Variants in DMXL1 observed in about 807,000 individuals in gnomAD.
DMXL1 encodes the protein dmX-like protein 1.
DMXL1 carries 99 observed loss-of-function variants against 319.2 expected under a neutral mutation model. The ratio of observed to expected loss-of-function variants is 0.31; its 90% CI spans 0.26 to 0.37. The LOEUF (loss-of-function observed/expected upper bound fraction) is 0.37, where lower values mean the gene tolerates loss of function less well. DMXL1 is among the 10% of genes least tolerant of loss of function. The probability of loss-of-function intolerance (pLI) is 1.00; values close to 1 mark genes in which losing one functional copy is unlikely to be tolerated. For synonymous variants in DMXL1, 1,385 were observed against 1,235.2 expected (o/e 1.12, Z -2.54); for missense variants, 3,745 against 3,595.6 (o/e 1.04, Z -1.06).
At chr5:119,144,151 A>C (rs1053627669) in intron 14 of DMXL1, among the ~76,000 whole-genome samples, 2 of 151,836 alleles carry the variant, frequency 1.3e-5, no homozygotes, top group African/African-American at 4.8e-5. Context: ...ACAGCCAAAT[A>C]AATTTTCAAA....
intron 30 of DMXL1, among the ~76,000 whole-genome samples, chr5:119,195,627 A>G (rs148318420): frequency 2.6e-3 from 399 of 152,324 alleles, no homozygotes; most frequent in African/African-American, 9.2e-3. Context: ...GCAAGATGAA[A>G]GGAATTCTGG....
intron 25 of DMXL1, among the ~76,000 whole-genome samples, chr5:119,173,738 A>ATATATATGTGTGTG (rs1581154258): frequency 2.0e-5 from 1 of 50,596 alleles, no homozygotes; most frequent in Non-Finnish European, 4.8e-5. Context: ...ATATGTGTGT[A>ATATATATGTGTGTG]TATATATATG....
At chr5:119,083,834 G>A (rs1395536612) in intron 1 of DMXL1, among the ~76,000 whole-genome samples, 1 of 152,106 alleles carries the variant, frequency 6.6e-6, no homozygotes, top group Non-Finnish European at 1.5e-5. Flanking sequence ...CACCGTGCCT[G>A]ACCAGTTTTT....
Position 119,197,747 on chromosome 5 carries a change from C to T in DMXL1, c.7544-8C>T, listed in dbSNP as rs1779906132. 1 of 1,613,598 alleles carries T rather than the reference C, an allele frequency of 6.2e-7. No homozygotes were observed. Among genetic ancestry groups the T allele is most frequent in the Non-Finnish European group, 8.5e-7 (1 of 1,179,676 alleles). On this transcript the variant is annotated splice_region_variant and splice_polypyrimidine_tract_variant and intron_variant, in intron 31 of 43. Coordinates refer to ENST00000539542, the MANE Select transcript of DMXL1 (RefSeq NM_001290321.3). ...TAAGATTAATATGAGTCAATGTTCC[C>T]ATTTTAGAGCTTCCAGTTAGTTCAC...
intron 4 of DMXL1, among the ~76,000 whole-genome samples, chr5:119,108,394 T>C (rs1262136397): frequency 6.6e-6 from 1 of 152,106 alleles, no homozygotes; most frequent in Non-Finnish European, 1.5e-5. Flanking sequence ...TTTTTCTCTG[T>C]ATTTATTTGG....
intron 33 of DMXL1, among the ~76,000 whole-genome samples, chr5:119,204,303 A>C (rs890965130): frequency 6.6e-6 from 1 of 151,938 alleles, no homozygotes; most frequent in Non-Finnish European, 1.5e-5. Flanking sequence ...ATGCCTGGCT[A>C]ATTTTTTGTA....
chr5:119,235,705 A>C (rs1219414774), intron 39 of DMXL1, among the ~76,000 whole-genome samples: 2 of 152,112 alleles, frequency 1.3e-5, no homozygotes, highest in African/African-American at 4.8e-5. Context: ...GGTTCTAAAA[A>C]GGAGTGAGAA....
At chr5:119,126,870 T>A (rs977107954) in intron 9 of DMXL1, 2 of 164,274 alleles carry the variant, frequency 1.2e-5, no homozygotes, top group African/African-American at 4.8e-5. Context: ...ACTGGTGACG[T>A]TTTTCCTCTA....
intron 1 of DMXL1, among the ~76,000 whole-genome samples, chr5:119,091,786 C>T (rs1754852305): frequency 1.3e-5 from 2 of 152,134 alleles, no homozygotes; most frequent in African/African-American, 4.8e-5. Context: ...GTGCTGGAAA[C>T]CTGTGGGACA....
chr5:119,159,922 C>T (rs1340555784), intron 19 of DMXL1, among the ~76,000 whole-genome samples: 2 of 152,210 alleles, frequency 1.3e-5, no homozygotes, highest in Non-Finnish European at 2.9e-5. Flanking sequence ...CTGCGCCTAG[C>T]CTTTCTTTTT....
intron 1 of DMXL1, among the ~76,000 whole-genome samples, chr5:119,092,068 G>C (rs567128761): frequency 1.3e-5 from 2 of 152,268 alleles, no homozygotes; most frequent in Admixed American, 1.3e-4. Flanking sequence ...AATGTTTGGG[G>C]AAATTTTCTG....
chr5:119,099,685 CTAT>C (rs1187351856), intron 2 of DMXL1, among the ~76,000 whole-genome samples: 2 of 152,052 alleles, frequency 1.3e-5, no homozygotes, highest in African/African-American at 4.8e-5. Flanking sequence ...TTGTGATAGA[CTAT>C]ATGACAGTCC....
At chr5:119,189,952 G>C (rs950250309) in intron 29 of DMXL1, 66 bp downstream of exon 29, 10 of 1,483,256 alleles carry the variant, frequency 6.7e-6, no homozygotes, top group Non-Finnish European at 8.3e-6. Flanking sequence ...TCAGAAATAA[G>C]TGTCATTTTT....
chr5:119,162,143 A>T (rs1772412183), intron 19 of DMXL1, among the ~76,000 whole-genome samples: 1 of 152,160 alleles, frequency 6.6e-6, no homozygotes. Flanking sequence ...TACCGCAAGC[A>T]AATCAGCTGG....
chr5:119,107,245 G>A (rs1758559720), intron 4 of DMXL1, among the ~76,000 whole-genome samples: 1 of 151,960 alleles, frequency 6.6e-6, no homozygotes, highest in South Asian at 2.1e-4. Flanking sequence ...GGAGGCTGAG[G>A]TGGGAGGCTT....
intron 23 of DMXL1, among the ~76,000 whole-genome samples, chr5:119,168,103 T>G (rs546236338): frequency 3.3e-5 from 5 of 152,356 alleles, no homozygotes; most frequent in African/African-American, 1.2e-4. Context: ...ATAAATATTG[T>G]CAACACTTGA....
chr5:119,199,462 T>A (rs1780275175), intron 32 of DMXL1, among the ~76,000 whole-genome samples: 1 of 152,226 alleles, frequency 6.6e-6, no homozygotes, highest in Admixed American at 6.5e-5. Flanking sequence ...CTTTATCCAG[T>A]CTGTCACTGA....
rs1386636479 is a variant in DMXL1 at position 119,147,330 on chromosome 5, C to T, written c.2771C>T (p.Ser924Phe). The change falls in exon 17 of 44, where the codon TCT becomes TTT. Residue 924 changes from serine (S) to phenylalanine (F), a missense_variant. By Grantham distance (155) the Ser-to-Phe change is radical. Transcript: ENST00000539542. ...TCTTCTTCTCCAGAGAAGATCCTATCTCCTTTTTCACAAAAGTATCAGGCT... is the reference window on the plus strand; with the variant it reads ...TCTTCTTCTCCAGAGAAGATCCTATTTCCTTTTTCACAAAAGTATCAGGCT... ...HYSSSPEKIL[S>F]PFSQKYQACR... 2 of 1,613,418 alleles carry T rather than the reference C, an allele frequency of 1.2e-6. No homozygotes were observed. Among genetic ancestry groups the T allele is most frequent in the African/African-American group, 2.7e-5 (2 of 74,880 alleles).
chr5:119,159,216 T>A (rs1771735519), intron 19 of DMXL1, among the ~76,000 whole-genome samples: 1 of 152,030 alleles, frequency 6.6e-6, no homozygotes, highest in Non-Finnish European at 1.5e-5. Context: ...CACTGCAACT[T>A]CTGCCCCCGG....
Sources: allele counts gnomAD v4.1 joint callset (sites outside exome capture counted in the v4.1 genomes callset), GRCh38; gene constraint gnomAD v4.1.1; transcripts MANE v1.5; gene names NCBI Gene and HGNC (gene_info 2026-07-23, HGNC 2026-07-21).